Variants in CALB1 observed in about 807,000 individuals in gnomAD.
The protein encoded by CALB1 is calbindin 1, also known as calbindin.
CALB1 carries 16 observed loss-of-function variants against 46.7 expected under a neutral mutation model. The observed-to-expected ratio is 0.34, with a 90% CI of 0.23 to 0.52. The LOEUF (loss-of-function observed/expected upper bound fraction) is 0.52. Among genes scored for constraint, CALB1 ranks in the 20% least tolerant of loss-of-function variants. The pLI is 0.95. For missense variants in CALB1, 224 were observed against 300.3 expected (o/e 0.75, Z 1.88); for synonymous variants, 90 against 112.8 (o/e 0.80, Z 1.28).
At position 90,082,771 on chromosome 8, in the gene CALB1, G is replaced by A. The variant is rs1300341568; in HGVS notation, c.-74C>T. On this transcript the variant is annotated 5_prime_UTR_variant, in exon 1 of 11. Transcript: ENST00000265431. ...TCCGCGCGAGGGGGAGTGAGCAAAA[G>A]CTCAGCGTGTGCGCGAGTCAGGGCT... The A allele has an allele frequency of 7.0e-7, 1 of 1,420,146 alleles. No homozygotes were observed. Among genetic ancestry groups the A allele is most frequent in the Non-Finnish European group, 1.0e-6 (1 of 1,004,168 alleles). The allele number at this position is 1,420,146 out of a possible 1,614,324, so 88.0% of individuals were successfully genotyped here.
chr8:90,077,846 C>T (rs1366906646), intron 3 of CALB1, among the ~76,000 whole-genome samples: 1 of 152,116 alleles, frequency 6.6e-6, no homozygotes, highest in Non-Finnish European at 1.5e-5. Context: ...TTAAATTATT[C>T]TGTTTTTACG....
chr8:90,082,658 A>G lies in CALB1; in HGVS notation c.40T>C (p.Ser14Pro). 1 of 1,614,150 alleles carries G rather than the reference A, an allele frequency of 6.2e-7. No homozygotes were observed. Among genetic ancestry groups the G allele is most frequent in the South Asian group, 1.1e-5 (1 of 91,088 alleles). Residue 14 changes from serine to proline, a missense_variant, in exon 1 of 11, where the codon TCA (serine) becomes CCA (proline). Transcript: ENST00000265431. Reference sequence around the variant, plus strand: ...TGGAGCCAGATCTCGAAAAACTGTGAGGCTGTGATGAGGGATGACTGCAGG... The same window carrying G: ...TGGAGCCAGATCTCGAAAAACTGTGGGGCTGTGATGAGGGATGACTGCAGG... ...SHLQSSLITA[S>P]QFFEIWLHFD...
intron 3 of CALB1, among the ~76,000 whole-genome samples, chr8:90,073,921 C>A (rs1184013528): frequency 6.6e-6 from 1 of 152,122 alleles, no homozygotes; most frequent in Admixed American, 6.6e-5. Flanking sequence ...ATTAGTGATA[C>A]AAATTATATC....
chr8:90,066,262 G>A (rs1447975109), intron 5 of CALB1, among the ~76,000 whole-genome samples: 1 of 151,912 alleles, frequency 6.6e-6, no homozygotes, highest in Non-Finnish European at 1.5e-5. Context: ...CAATTAACCT[G>A]AATAAAACCT....
intron 3 of CALB1, among the ~76,000 whole-genome samples, chr8:90,078,031 G>A (rs531123060): frequency 1.3e-5 from 2 of 152,178 alleles, no homozygotes; most frequent in Admixed American, 1.3e-4. Flanking sequence ...GTGGGGCTGG[G>A]TAATGGAATG....
At chr8:90,066,009 T>C in intron 5 of CALB1, 34 bp from the exon 6 acceptor site, 2 of 1,310,344 alleles carry the variant, frequency 1.5e-6, no homozygotes, top group Non-Finnish European at 2.2e-6. Context: ...ATTAATTTCA[T>C]TAATAATATA....
At chr8:90,070,797 G>A (rs1361378125) in intron 3 of CALB1, among the ~76,000 whole-genome samples, 2 of 151,332 alleles carry the variant, frequency 1.3e-5, no homozygotes, top group East Asian at 3.9e-4. Context: ...TTAAAAAAAT[G>A]TAATTAGCTT....
chr8:90,063,501 T>A, intron 6 of CALB1, 40 bp from the exon 7 acceptor site: 1 of 1,524,648 alleles, frequency 6.6e-7, no homozygotes, highest in Non-Finnish European at 9.1e-7. Context: ...ATTTGAGGAA[T>A]AATTTATTGC....
chr8:90,060,207 T>G lies in CALB1; in HGVS notation c.752A>C (p.Asp251Ala). The change falls in exon 11 of 11, where the codon GAT becomes GCT. Residue 251 changes from aspartate to alanine, a missense_variant. Physicochemically the swap from Asp to Ala is moderately radical, Grantham distance 126 (BLOSUM62 -2). Transcript: ENST00000265431. Reference sequence around the variant, plus strand: ...CCCAGCACAGAGAATAAGAGCAAGATCCGTTCGGTACAGCTTCCCTCCATC... The same window carrying G: ...CCCAGCACAGAGAATAAGAGCAAGAGCCGTTCGGTACAGCTTCCCTCCATC... The part of the protein sequence containing the change: ...LSDGGKLYRT[D>A]LALILCAGDN 7 of 1,613,734 alleles carry G rather than the reference T, an allele frequency of 4.3e-6. No homozygotes were observed. Among genetic ancestry groups the G allele is most frequent in the Non-Finnish European group, 5.9e-6 (7 of 1,179,648 alleles).
rs766299407 is a variant in CALB1, at chr8:90,063,159, G to A, written c.547-6C>T. The A allele has an allele frequency of 6.3e-7, 1 of 1,597,918 alleles. No homozygotes were observed. The highest frequency in any genetic ancestry group is 1.3e-5 in the African/African-American group (1 of 74,496). On this transcript the variant is annotated splice_polypyrimidine_tract_variant and splice_region_variant and intron_variant, in intron 8 of 10. Coordinates refer to ENST00000265431, the MANE Select transcript of CALB1 (RefSeq NM_004929.4). ...TTCCCACACATTTTGATTCCCTAAA[G>A]ATAGAGAAGAGAGTAAATGTTAAAA...
chr8:90,065,149 A>C (rs1464107205), intron 6 of CALB1, among the ~76,000 whole-genome samples: 1 of 151,772 alleles, frequency 6.6e-6, no homozygotes, highest in Non-Finnish European at 1.5e-5. Context: ...TTCTGTGATG[A>C]GTCAAAATGA....
At chr8:90,065,465 T>C (rs1389768146) in intron 6 of CALB1, among the ~76,000 whole-genome samples, 1 of 151,792 alleles carries the variant, frequency 6.6e-6, no homozygotes, top group Non-Finnish European at 1.5e-5. Flanking sequence ...GATGGTCTCT[T>C]TAAACTCAAC....
intron 1 of CALB1, 70 bp from the exon 2 acceptor site, chr8:90,082,172 G>T: frequency 7.3e-7 from 1 of 1,372,564 alleles, no homozygotes. Context: ...CACTTTCCAA[G>T]ACAGTTATCT....
chr8:90,080,632 C>A (rs1341035250), intron 2 of CALB1, among the ~76,000 whole-genome samples: 1 of 151,702 alleles, frequency 6.6e-6, no homozygotes, highest in Non-Finnish European at 1.5e-5. Flanking sequence ...CATTTTTATG[C>A]TATTTTATTC....
intron 2 of CALB1, among the ~76,000 whole-genome samples, chr8:90,080,476 T>C (rs117740882): frequency 0.011 from 1,696 of 152,116 alleles, 15 homozygotes; most frequent in Middle Eastern, 0.021. Flanking sequence ...TTTTCCAACC[T>C]GATTTTAAAA....
chr8:90,080,984 C>T (rs1265470242), intron 2 of CALB1, among the ~76,000 whole-genome samples: 2 of 152,074 alleles, frequency 1.3e-5, no homozygotes, highest in Non-Finnish European at 2.9e-5. Flanking sequence ...TAACGTGTAA[C>T]TCATCCCAAT....
intron 9 of CALB1, 23 bp downstream of exon 9, chr8:90,063,077 A>G: frequency 6.4e-7 from 1 of 1,566,026 alleles, no homozygotes; most frequent in East Asian, 2.2e-5. Context: ...TAAAAAAGAA[A>G]GGAAAAAGTA....
chr8:90,070,271 A>T (rs1036114306), intron 3 of CALB1, among the ~76,000 whole-genome samples: 2 of 152,058 alleles, frequency 1.3e-5, no homozygotes, highest in East Asian at 3.8e-4. Flanking sequence ...ATCTACACAC[A>T]CTATATTTCA....
chr8:90,074,728 A>G (rs1814589635), intron 3 of CALB1, among the ~76,000 whole-genome samples: 1 of 152,154 alleles, frequency 6.6e-6, no homozygotes. Flanking sequence ...CAGTTTTAGG[A>G]CTAAAATAGC....
Sources: gnomAD v4.1 joint callset for allele counts (sites outside exome capture counted in the v4.1 genomes callset) on GRCh38, gnomAD v4.1.1 for gene constraint, MANE v1.5 for transcripts, NCBI Gene and HGNC (gene_info 2026-07-23, HGNC 2026-07-21) for gene names.